Variants in NETO1 observed in about 807,000 individuals in gnomAD.
The protein encoded by NETO1 is neuropilin and tolloid-like protein 1.
Under a neutral mutation model 61.3 loss-of-function variants are expected in NETO1, and 26 were observed. That is an observed-to-expected ratio of 0.42 (90% CI 0.31 to 0.59). The LOEUF is 0.59. NETO1 is among the 20% of genes least tolerant of loss of function. NETO1 has a pLI of 0.12. For synonymous variants in NETO1, 225 were observed against 225.8 expected, an observed-to-expected ratio of 1.00 and a Z score of 0.03; for missense variants, 531 against 662.8, an observed-to-expected ratio of 0.80 and a Z score of 2.18.
intron 7 of NETO1, among the ~76,000 whole-genome samples, chr18:72,772,030 T>A (rs974455424): frequency 3.3e-5 from 5 of 152,100 alleles, no homozygotes; most frequent in African/African-American, 1.2e-4. Context: ...TCTTCTAAGT[T>A]TGTTCAAGTT....
Position 72,867,341 on chromosome 18 carries a change from A to C in NETO1, c.-50T>G, listed in dbSNP as rs372493115. ...CGGGCTCCACTAATTCCATTTAGAG[A>C]CGGGAAGACTTCCAGTGGCGGGGGG... On this transcript the variant is annotated 5_prime_UTR_variant, in exon 1 of 11. Coordinates refer to ENST00000327305, the MANE Select transcript of NETO1 (RefSeq NM_138966.5). 1.3e-6 allele frequency: 2 copies of C among 1,519,016 alleles called. No homozygotes were observed. Among genetic ancestry groups the C allele is most frequent in the East Asian group, 2.6e-5 (1 of 38,938 alleles). 94.1% of individuals were successfully genotyped at this position (1,519,016 alleles called of 1,614,324 possible).
intron 4 of NETO1, 67 bp downstream of exon 4, chr18:72,858,759 G>A (rs2074480151): frequency 7.0e-7 from 1 of 1,428,834 alleles, no homozygotes; most frequent in African/African-American, 1.4e-5. Context: ...TCTTACACAA[G>A]ATTTTGTACT....
At chr18:72,781,303 A>C (rs1413310660) in intron 7 of NETO1, among the ~76,000 whole-genome samples, 1 of 152,182 alleles carries the variant, frequency 6.6e-6, no homozygotes. Flanking sequence ...TACTGAATAA[A>C]TATAGAACCC....
rs150194279 is a variant in NETO1, at chr18:72,804,608, C to T, written c.470-10204G>A. On this transcript the variant is annotated intron_variant, in intron 4 of 10. Transcript: ENST00000327305. ...TATTTCTGAGTCTTATTTTCCTTAA[C>T]TGAAATAAGAATGTTGTTGGTTTAG... is the stretch of plus-strand genomic sequence containing the variant. Among the ~76,000 whole-genome samples the T allele has an allele frequency of 1.4e-4, 22 of 152,266 alleles. No individual in the cohort carries two copies. The South Asian group carries it at 2.1e-3, about 14-fold the overall frequency.
chr18:72,845,751 A>G (rs986840515), intron 4 of NETO1, among the ~76,000 whole-genome samples: 8 of 152,250 alleles, frequency 5.3e-5, no homozygotes, highest in Non-Finnish European at 1.2e-4. Flanking sequence ...ATGGTATAAA[A>G]GAATATTTCA....
At position 72,774,061 on chromosome 18, in the gene NETO1, C is replaced by T. The variant is rs141602243; in HGVS notation, c.868+9617G>A. 2.5e-3 allele frequency among the ~76,000 whole-genome samples: 381 copies of T among 152,152 alleles called. 14 individuals are homozygous for T. The South Asian group carries it at 0.069, about 27-fold the overall frequency. The stretch of plus-strand genomic sequence containing the variant: ...CAAATTATTGTAAATAAATTCCATA[C>T]GACCATAATGTGGACAATTTGTTTT... On this transcript the variant is annotated intron_variant, in intron 7 of 10. Coordinates refer to ENST00000327305, the MANE Select transcript of NETO1 (RefSeq NM_138966.5).
chr18:72,824,002 G>A (rs769224663), intron 4 of NETO1, among the ~76,000 whole-genome samples: 5 of 152,210 alleles, frequency 3.3e-5, no homozygotes, highest in Non-Finnish European at 5.9e-5. Flanking sequence ...CCTGACTTGC[G>A]TTTTCAAACA....
At chr18:72,760,512 C>T (rs2070935311) in intron 7 of NETO1, among the ~76,000 whole-genome samples, 2 of 152,132 alleles carry the variant, frequency 1.3e-5, no homozygotes, top group South Asian at 2.1e-4. Context: ...ATTGCTTCCT[C>T]GTGAGCAAAA....
At chr18:72,816,510 C>T (rs2073037642) in intron 4 of NETO1, among the ~76,000 whole-genome samples, 1 of 152,124 alleles carries the variant, frequency 6.6e-6, no homozygotes, top group Non-Finnish European at 1.5e-5. Flanking sequence ...GCAACATGGG[C>T]CATTTGGGAG....
In NETO1 at chr18:72,867,337, A is replaced by G. The variant is rs1237379019; in HGVS notation, c.-46T>C. 2.6e-6 allele frequency: 4 copies of G among 1,523,320 alleles called. No homozygotes were observed. The highest frequency in any genetic ancestry group is 2.6e-5 in the East Asian group (1 of 38,988). The allele number at this position is 1,523,320 out of a possible 1,614,324, so 94.4% of individuals were successfully genotyped here. On this transcript the variant is annotated 5_prime_UTR_variant, in exon 1 of 11. Coordinates refer to ENST00000327305, the MANE Select transcript of NETO1 (RefSeq NM_138966.5). Reference sequence around the variant, plus strand: ...GCTCCGGGCTCCACTAATTCCATTTAGAGACGGGAAGACTTCCAGTGGCGG... The same window carrying G: ...GCTCCGGGCTCCACTAATTCCATTTGGAGACGGGAAGACTTCCAGTGGCGG...
In NETO1 at chr18:72,749,024, C is replaced by G; in HGVS notation, c.*4G>C. On this transcript the variant is annotated 3_prime_UTR_variant, in exon 10 of 11. Transcript: ENST00000327305. ...AGGGCATCTGCTTACCTTGAATTTT[C>G]TTTCTAGACCCTAGTTGTGTTGTAT... 1 of 1,607,688 alleles carries G rather than the reference C, an allele frequency of 6.2e-7. No homozygotes were observed. Among genetic ancestry groups the G allele is most frequent in the Non-Finnish European group, 8.5e-7 (1 of 1,174,596 alleles).
intron 4 of NETO1, among the ~76,000 whole-genome samples, chr18:72,809,122 C>T (rs1052183270): frequency 5.3e-5 from 8 of 152,158 alleles, no homozygotes; most frequent in South Asian, 2.1e-4. Context: ...TCACTCTGCT[C>T]GTCACATCTA....
intron 4 of NETO1, among the ~76,000 whole-genome samples, chr18:72,800,386 C>T (rs1457543613): frequency 6.6e-6 from 1 of 152,130 alleles, no homozygotes; most frequent in Non-Finnish European, 1.5e-5. Context: ...TACATCCTAT[C>T]TTTGTGAAGC....
At position 72,825,988 on chromosome 18, in the gene NETO1, G is replaced by A. The variant is rs1402624653; in HGVS notation, c.470-31584C>T. 1.3e-5 allele frequency among the ~76,000 whole-genome samples: 2 copies of A among 151,956 alleles called. 1 individual carries two copies. Among genetic ancestry groups the A allele is most frequent in the East Asian group, 3.8e-4 (2 of 5,198 alleles). ...AAAAATCATATATACTTCCTTTATTGAGTGCAGAGTTGTAAACACATTGAT... is the reference window on the plus strand; with the variant it reads ...AAAAATCATATATACTTCCTTTATTAAGTGCAGAGTTGTAAACACATTGAT... On this transcript the variant is annotated intron_variant, in intron 4 of 10. Coordinates refer to ENST00000327305, the MANE Select transcript of NETO1 (RefSeq NM_138966.5).
At chr18:72,755,633 C>G (rs1568172895) in intron 8 of NETO1, among the ~76,000 whole-genome samples, 1 of 152,038 alleles carries the variant, frequency 6.6e-6, no homozygotes, top group Non-Finnish European at 1.5e-5. Flanking sequence ...AATGCTAGTT[C>G]AAGACATTTT....
intron 7 of NETO1, among the ~76,000 whole-genome samples, chr18:72,761,052 T>TTAAAATGTTAAGATGACA: frequency 2.1e-5 from 3 of 144,774 alleles, no homozygotes; most frequent in African/African-American, 8.5e-5. Flanking sequence ...AACAAAAAAC[T>TTAAAATGTTAAGATGACA]TAAAATGTTA....
chr18:72,755,265 C>T (rs8093324), intron 8 of NETO1, among the ~76,000 whole-genome samples: 106,888 of 152,028 alleles, frequency 0.7, 37,827 homozygotes, highest in Admixed American at 0.77. Context: ...GTAACTGCCT[C>T]TCCTACTGAC....
In NETO1 at chr18:72,821,217, C is replaced by A. The variant is rs1472069003; in HGVS notation, c.470-26813G>T. Among the ~76,000 whole-genome samples the A allele has an allele frequency of 2.7e-4, 33 of 123,840 alleles. 1 individual carries two copies. In the Admixed American group the frequency reaches 2.9e-3, roughly 11 times the overall value. 81.2% of individuals were successfully genotyped at this position (123,840 alleles called of 152,430 possible). A position where few individuals can be genotyped will look rare whatever the true frequency, so the allele number is the denominator to read the frequency against. ...GAAGCAGTTTTTTCTTCTAAGCATT[C>A]TCTTCTTCATATTAACTAAAAAAAA... On this transcript the variant is annotated intron_variant, in intron 4 of 10. Transcript: ENST00000327305.
At chr18:72,782,161 G>T (rs2071763772) in intron 7 of NETO1, among the ~76,000 whole-genome samples, 1 of 152,126 alleles carries the variant, frequency 6.6e-6, no homozygotes, top group Admixed American at 6.5e-5. Flanking sequence ...CATCCATGTT[G>T]CTGCAAAGTA....
Sources: gnomAD v4.1 joint callset for allele counts (sites outside exome capture counted in the v4.1 genomes callset) on GRCh38, gnomAD v4.1.1 for gene constraint, MANE v1.5 for transcripts, NCBI Gene and HGNC (gene_info 2026-07-23, HGNC 2026-07-21) for gene names.